MTUS1: variants seen among roughly 807,000 people sequenced by gnomAD.
MTUS1 encodes microtubule associated scaffold protein 1, also known as microtubule-associated tumor suppressor 1.
MTUS1 carries 109 observed loss-of-function variants against 120.8 expected under a neutral mutation model. That is an observed-to-expected ratio of 0.90 (90% CI 0.77 to 1.06). MTUS1 has a LOEUF of 1.06. Ranked by LOEUF, MTUS1 falls within the 50% of genes least tolerant of loss-of-function variation. The pLI is 0.00. For missense variants in MTUS1, 2,210 were observed against 1,486.3 expected, an observed-to-expected ratio of 1.49 and a Z score of -8.01; for synonymous variants, 737 against 550.5, an observed-to-expected ratio of 1.34 and a Z score of -4.74.
chr8:17,646,479 T>G (rs1805815882), intron 14 of MTUS1, among the ~76,000 whole-genome samples: 1 of 152,126 alleles, frequency 6.6e-6, no homozygotes, highest in Non-Finnish European at 1.5e-5. Context: ...TCCCAGCTAC[T>G]CAGGAGGCTG....
intron 1 of MTUS1, chr8:17,770,719 G>A (rs1208987389): frequency 6.6e-6 from 1 of 152,072 alleles, no homozygotes; most frequent in Non-Finnish European, 1.5e-5. Context: ...AATTTTCCTT[G>A]GACTCTCTGC....
At chr8:17,687,924 G>C (rs1254459896) in intron 6 of MTUS1, among the ~76,000 whole-genome samples, 2 of 152,188 alleles carry the variant, frequency 1.3e-5, no homozygotes, top group Non-Finnish European at 2.9e-5. Flanking sequence ...AAATCACTTA[G>C]GCAAATAGAC....
Position 17,754,913 on chromosome 8 carries a change from T to A in MTUS1, c.895A>T (p.Met299Leu), listed in dbSNP as rs527925234. The A allele has an allele frequency of 2.5e-6, 4 of 1,614,242 alleles. No homozygotes were observed. The highest frequency in any genetic ancestry group is 4.5e-5 in the East Asian group (2 of 44,880). ...AATGCAGAATCATTGGGGACTTCCA[T>A]GCCATCAGAAACTGGTGTTAGTGCT... Reference protein sequence around the residue: ...TQALTPVSDGMEVPNDSALQE... With the variant: ...TQALTPVSDGLEVPNDSALQE... The change falls in exon 2 of 15, where the codon ATG becomes TTG. Residue 299 changes from methionine (M) to leucine (L), a missense_variant. Transcript: ENST00000693296.
At chr8:17,739,505 A>T (rs892090950) in intron 3 of MTUS1, among the ~76,000 whole-genome samples, 1 of 152,042 alleles carries the variant, frequency 6.6e-6, no homozygotes, top group African/African-American at 2.4e-5. Context: ...ATAAATAAAT[A>T]AATAAATAAA....
intron 1 of MTUS1, among the ~76,000 whole-genome samples, chr8:17,786,846 A>G (rs1477285445): frequency 6.6e-6 from 1 of 152,226 alleles, no homozygotes; most frequent in African/African-American, 2.4e-5. Context: ...TTATCACAAG[A>G]GACTTTCGCT....
intron 6 of MTUS1, among the ~76,000 whole-genome samples, chr8:17,690,188 C>T (rs1360940012): frequency 6.6e-6 from 1 of 152,066 alleles, no homozygotes; most frequent in African/African-American, 2.4e-5. Context: ...AAAAATACAA[C>T]CCCAATAAAA....
intron 1 of MTUS1, among the ~76,000 whole-genome samples, chr8:17,759,727 A>G (rs1407322230): frequency 6.6e-6 from 1 of 150,546 alleles, no homozygotes; most frequent in East Asian, 1.9e-4. Flanking sequence ...TTGTCTCTGA[A>G]GCATTTTCCC....
intron 1 of MTUS1, among the ~76,000 whole-genome samples, chr8:17,793,135 T>C (rs1306373756): frequency 2.6e-5 from 4 of 152,240 alleles, no homozygotes; most frequent in South Asian, 4.1e-4. Flanking sequence ...CAACTTGCGA[T>C]TGTCTGCACG....
intron 8 of MTUS1, among the ~76,000 whole-genome samples, chr8:17,668,951 G>A (rs1003777463): frequency 1.3e-5 from 2 of 152,194 alleles, no homozygotes; most frequent in Non-Finnish European, 2.9e-5. Context: ...CTGAGTATTA[G>A]CATATTTTAA....
At position 17,754,198 on chromosome 8, in the gene MTUS1, G is replaced by A. The variant is rs2048412792; in HGVS notation, c.1610C>T (p.Thr537Ile). The change falls in exon 2 of 15, where the codon ACC becomes ATC. Residue 537 changes from threonine (T) to isoleucine (I), a missense_variant. Thr to Ile is a moderately conservative substitution (Grantham distance 89). Coordinates refer to ENST00000693296, the MANE Select transcript of MTUS1 (RefSeq NM_001363059.2). ...CACTGATGAGGGTGATGAGGCACTG[G>A]TCTGCTGAGGTCTGGGCGTGACCTT... ...LSKVTPRPQQ[T>I]SASSPSSVNS... 1 of 1,613,986 alleles carries A rather than the reference G, an allele frequency of 6.2e-7. No individual in the cohort carries two copies. The highest frequency in any genetic ancestry group is 1.3e-5 in the African/African-American group (1 of 75,008).
intron 7 of MTUS1, among the ~76,000 whole-genome samples, chr8:17,679,116 G>C (rs1023536363): frequency 7.2e-6 from 1 of 138,672 alleles, no homozygotes; most frequent in East Asian, 2.1e-4. Flanking sequence ...CATGGTAGTT[G>C]CAAGATTCTC....
At position 17,757,302 on chromosome 8, in the gene MTUS1, GA is replaced by G. The variant is rs753038849; in HGVS notation, c.-154-1342del. ...ATATCAAATGAAAGAAGCCAGTCAT[GA>G]AAGTCTACATACTATATGACACTAT... On this transcript the variant is annotated intron_variant, in intron 1 of 14. Coordinates refer to ENST00000693296, the MANE Select transcript of MTUS1 (RefSeq NM_001363059.2). Among the ~76,000 whole-genome samples, 128 of 152,286 alleles carry G rather than the reference GA, an allele frequency of 8.4e-4. 1 individual carries two copies. Among genetic ancestry groups the G allele is most frequent in the Middle Eastern group, 3.4e-3 (1 of 294 alleles).
intron 3 of MTUS1, chr8:17,724,240 G>T: frequency 2.9e-6 from 1 of 350,728 alleles, no homozygotes; most frequent in Non-Finnish European, 5.5e-6. Flanking sequence ...TAGGACAATA[G>T]GCTATCATAT....
At chr8:17,697,793 C>T (rs1483453419) in intron 6 of MTUS1, 12 of 942,520 alleles carry the variant, frequency 1.3e-5, no homozygotes, top group African/African-American at 1.8e-5. Context: ...CTTGAAAGAT[C>T]GCTAGGGGAA....
intron 6 of MTUS1, among the ~76,000 whole-genome samples, chr8:17,711,428 T>C (rs1162773837): frequency 6.6e-6 from 1 of 151,510 alleles, no homozygotes; most frequent in South Asian, 2.1e-4. Context: ...TTAAACCTCA[T>C]GAACCAACCT....
At chr8:17,683,460 T>C (rs532308475) in intron 7 of MTUS1, among the ~76,000 whole-genome samples, 1 of 152,248 alleles carries the variant, frequency 6.6e-6, no homozygotes, top group African/African-American at 2.4e-5. Context: ...CTGAACAGTT[T>C]TCTTTTTGCT....
chr8:17,797,729 C>G (rs1479850090), intron 1 of MTUS1, among the ~76,000 whole-genome samples: 1 of 152,192 alleles, frequency 6.6e-6, no homozygotes, highest in Non-Finnish European at 1.5e-5. Flanking sequence ...CCTAAGCACG[C>G]AGATCCTGAA....
chr8:17,779,980 T>C (rs1295187450), intron 1 of MTUS1, among the ~76,000 whole-genome samples: 2 of 152,218 alleles, frequency 1.3e-5, no homozygotes, highest in Non-Finnish European at 2.9e-5. Context: ...GTTGGATGTG[T>C]GTCCCCTCCA....
chr8:17,659,283 T>C (rs1690818792), intron 8 of MTUS1, among the ~76,000 whole-genome samples: 1 of 152,138 alleles, frequency 6.6e-6, no homozygotes, highest in African/African-American at 2.4e-5. Flanking sequence ...AGAGGAGAAG[T>C]GGCAGGACCA....
Sources: gnomAD v4.1 joint callset for allele counts (sites outside exome capture counted in the v4.1 genomes callset) on GRCh38, gnomAD v4.1.1 for gene constraint, MANE v1.5 for transcripts, NCBI Gene and HGNC (gene_info 2026-07-23, HGNC 2026-07-21) for gene names.